The following DACH2 variants were observed in gnomAD, a reference collection of about 807,000 sequenced individuals.
DACH2 encodes the protein dachshund homolog 2.
A neutral mutation model predicts 35.8 loss-of-function variants in DACH2; 17 were observed. The ratio of observed to expected loss-of-function variants is 0.48; its 90% CI spans 0.33 to 0.71. The LOEUF (loss-of-function observed/expected upper bound fraction) is 0.71, where lower values mean the gene tolerates loss of function less well. Ranked by LOEUF, DACH2 falls within the 30% of genes least tolerant of loss-of-function variation. The probability of loss-of-function intolerance (pLI) is 0.02; values close to 1 mark genes in which losing one functional copy is unlikely to be tolerated. For synonymous variants in DACH2, 195 were observed against 177.3 expected (o/e 1.10, Z -0.79); for missense variants, 469 against 472.7 (o/e 0.99, Z 0.07).
At chrX:86,503,494 A>C (rs757470658) in intron 2 of DACH2, among the ~76,000 whole-genome samples, 1 of 112,249 alleles carries the variant, frequency 8.9e-6, no homozygotes, top group South Asian at 3.7e-4. Context: ...CCTTTTGGCA[A>C]CATTGTCTCG....
Position 86,832,153 on chromosome X carries a change from T to A in DACH2, c.1798T>A (p.Ter600ArgextTer8), listed in dbSNP as rs1245859021. 5.9e-6 allele frequency: 7 copies of A among 1,184,711 alleles called. No individual in the cohort carries two copies. Among genetic ancestry groups the A allele is most frequent in the Non-Finnish European group, 8.0e-6 (7 of 874,468 alleles). Residue 600 changes from the stop codon to arginine, a stop_lost, in exon 12 of 12, where the codon TGA becomes AGA. Coordinates refer to ENST00000373125, the MANE Select transcript of DACH2 (RefSeq NM_053281.3). Reference protein sequence around the residue: ...LEMAQQLYSA* With the variant: ...LEMAQQLYSAR The stretch of plus-strand genomic sequence containing the variant: ...AATGGCACAACAGTTGTATTCAGCC[T>A]GAAAGGTCCTCGCTGGCTTTACATA...
At chrX:86,798,495 G>T (rs1001758805) in intron 7 of DACH2, 3 of 113,323 alleles carry the variant, frequency 2.6e-5, no homozygotes, top group Admixed American at 9.4e-5. Flanking sequence ...AAGAAATGCT[G>T]AAGTGCTTCA....
Position 86,623,581 on chromosome X carries a change from G to C in DACH2, c.641-27455G>C, listed in dbSNP as rs184763361. Reference sequence around the variant, plus strand: ...AAAAGTTTTGAACTTTATTCTACAGGAAGTATCAAACCACAAAACACTTTT... The same window carrying C: ...AAAAGTTTTGAACTTTATTCTACAGCAAGTATCAAACCACAAAACACTTTT... On this transcript the variant is annotated intron_variant, in intron 3 of 11. Transcript: ENST00000373125. Among the ~76,000 whole-genome samples the C allele has an allele frequency of 7.2e-5, 8 of 111,755 alleles. No homozygotes were observed. In the East Asian group the frequency reaches 2.0e-3, roughly 28 times the overall value.
At chrX:86,737,056 A>G (rs983278707) in intron 6 of DACH2, among the ~76,000 whole-genome samples, 3 of 111,625 alleles carry the variant, frequency 2.7e-5, no homozygotes, top group Non-Finnish European at 3.8e-5. Flanking sequence ...TACTATTTCA[A>G]TAATATATTT....
Position 86,719,928 on chromosome X carries a change from T to A in DACH2, c.1104+5208T>A, listed in dbSNP as rs747965409. On this transcript the variant is annotated intron_variant, in intron 6 of 11. Transcript: ENST00000373125. ...GTCCCTCCAAATCTTTTTTTTTCTTTTTTCTTTTTTTTTTCTTTTTTTTTT... is the reference window on the plus strand; with the variant it reads ...GTCCCTCCAAATCTTTTTTTTTCTTATTTCTTTTTTTTTTCTTTTTTTTTT... Among the ~76,000 whole-genome samples the A allele has an allele frequency of 8.3e-3, 499 of 59,826 alleles. 4 individuals carry two copies. The highest frequency in any genetic ancestry group is 0.028 in the African/African-American group (456 of 16,147). The allele number at this position is 59,826 out of a possible 115,157, so 52.0% of individuals were successfully genotyped here.
intron 6 of DACH2, among the ~76,000 whole-genome samples, chrX:86,737,886 G>A (rs1255444550): frequency 9.0e-6 from 1 of 111,373 alleles, no homozygotes; most frequent in Non-Finnish European, 1.9e-5. Context: ...TGTCTAATAG[G>A]TAGTTTTTCA....
chrX:86,415,717 G>A (rs933047618), intron 2 of DACH2, among the ~76,000 whole-genome samples: 3 of 111,884 alleles, frequency 2.7e-5, no homozygotes, highest in East Asian at 2.8e-4. Context: ...TACTCATCAC[G>A]ACATTTTATC....
At chrX:86,400,343 C>T (rs780656599) in intron 2 of DACH2, among the ~76,000 whole-genome samples, 8 of 111,054 alleles carry the variant, frequency 7.2e-5, no homozygotes, top group African/African-American at 1.6e-4. Context: ...TCCTTTAGCT[C>T]GGAGTAGTTT....
rs760516387 is a variant in DACH2, at chrX:86,385,761, A to G, written c.527+8899A>G. Reference sequence around the variant, plus strand: ...AATGTCCAGCTCTCTGTCTTCAAAAATCACTCTGAATTTTGGAACTAAATT... The same window carrying G: ...AATGTCCAGCTCTCTGTCTTCAAAAGTCACTCTGAATTTTGGAACTAAATT... On this transcript the variant is annotated intron_variant, in intron 2 of 11. Transcript: ENST00000373125. Among the ~76,000 whole-genome samples the G allele has an allele frequency of 3.2e-3, 352 of 111,706 alleles. 1 individual carries two copies. The highest frequency in any genetic ancestry group is 0.011 in the African/African-American group (346 of 30,879).
chrX:86,536,343 G>A (rs751604374), intron 3 of DACH2, among the ~76,000 whole-genome samples: 107 of 107,744 alleles, frequency 9.9e-4, no homozygotes, highest in Non-Finnish European at 1.6e-3. Flanking sequence ...ATTTCCTGAA[G>A]GAAATCAAAG....
At chrX:86,437,414 C>A (rs1426958604) in intron 2 of DACH2, among the ~76,000 whole-genome samples, 1 of 111,554 alleles carries the variant, frequency 9.0e-6, no homozygotes, top group Non-Finnish European at 1.9e-5. Context: ...TTCCCATTGA[C>A]CAACTTCTAT....
chrX:86,507,314 G>A (rs181597340), intron 2 of DACH2, among the ~76,000 whole-genome samples: 28 of 111,251 alleles, frequency 2.5e-4, no homozygotes, highest in East Asian at 2.3e-3. Flanking sequence ...ACAGGCTGAT[G>A]ATTATTGATG....
intron 1 of DACH2, among the ~76,000 whole-genome samples, chrX:86,168,011 C>A (rs1473215966): frequency 9.0e-6 from 1 of 111,321 alleles, no homozygotes; most frequent in Non-Finnish European, 1.9e-5. Flanking sequence ...AATGTGTATC[C>A]CGCAGCTCTT....
chrX:86,383,588 G>A (rs1346110168), intron 2 of DACH2, among the ~76,000 whole-genome samples: 1 of 99,027 alleles, frequency 1.0e-5, no homozygotes, highest in Non-Finnish European at 2.0e-5. Flanking sequence ...GCCAAGGACG[G>A]CATCTAGATA....
At chrX:86,232,528 G>A (rs1160044626) in intron 1 of DACH2, among the ~76,000 whole-genome samples, 4 of 111,467 alleles carry the variant, frequency 3.6e-5, no homozygotes, top group African/African-American at 9.8e-5. Flanking sequence ...TTAAAAAGAG[G>A]GCAAAGGACA....
intron 1 of DACH2, chrX:86,161,394 A>C: frequency 1.2e-6 from 1 of 832,090 alleles, no homozygotes. Context: ...TAGCAGATCA[A>C]AACCTGGCAA....
chrX:86,161,392 C>CA, intron 1 of DACH2: 1 of 824,070 alleles, frequency 1.2e-6, no homozygotes, highest in Non-Finnish European at 1.6e-6. Flanking sequence ...GTTAGCAGAT[C>CA]AAAACCTGGC....
rs1040032676 is a variant in DACH2 at position 86,442,820 on chromosome X, C to A, written c.527+65958C>A. Among the ~76,000 whole-genome samples the A allele has an allele frequency of 1.4e-4, 15 of 109,286 alleles. No individual in the cohort carries two copies. In the East Asian group the frequency reaches 4.2e-3, roughly 31 times the overall value. 94.9% of individuals were successfully genotyped at this position (109,286 alleles called of 115,157 possible). A position where few individuals can be genotyped will look rare whatever the true frequency, so the allele number is the denominator to read the frequency against. Reference sequence around the variant, plus strand: ...TTTGTGGAAGAGACGGTCATTTCTCCATCGTGTGTCCTTGCCACCTTTGTG... The same window carrying A: ...TTTGTGGAAGAGACGGTCATTTCTCAATCGTGTGTCCTTGCCACCTTTGTG... On this transcript the variant is annotated intron_variant, in intron 2 of 11. Coordinates refer to ENST00000373125, the MANE Select transcript of DACH2 (RefSeq NM_053281.3).
At chrX:86,370,600 C>T (rs2035872759) in intron 1 of DACH2, among the ~76,000 whole-genome samples, 1 of 111,388 alleles carries the variant, frequency 9.0e-6, no homozygotes, top group East Asian at 2.8e-4. Context: ...GCCAAACCTA[C>T]AAACATGAAT....
Sources: gnomAD v4.1 joint callset for allele counts (sites outside exome capture counted in the v4.1 genomes callset) on GRCh38, gnomAD v4.1.1 for gene constraint, MANE v1.5 for transcripts, NCBI Gene and HGNC (gene_info 2026-07-23, HGNC 2026-07-21) for gene names.